Variants in WWOX observed in about 807,000 individuals in gnomAD.
The protein encoded by WWOX is WW domain-containing oxidoreductase.
Under a neutral mutation model 46.2 loss-of-function variants are expected in WWOX, and 69 were observed. The observed-to-expected ratio is 1.49, with a 90% CI of 1.23 to 1.82. WWOX has a LOEUF of 1.82. Among genes scored for constraint, WWOX ranks in the 40% most tolerant of loss-of-function variants. The pLI is 0.00. For synonymous variants in WWOX, 359 were observed against 202.6 expected, an observed-to-expected ratio of 1.77 and a Z score of -6.56; for missense variants, 919 against 542.6, an observed-to-expected ratio of 1.69 and a Z score of -6.89.
At chr16:78,144,514 T>C (rs2034127856) in intron 4 of WWOX, among the ~76,000 whole-genome samples, 1 of 41,754 alleles carries the variant, frequency 2.4e-5, no homozygotes, top group Non-Finnish European at 4.5e-5. Flanking sequence ...TATATATATA[T>C]ATATATATAT....
chr16:78,713,975 G>T (rs2048504682), intron 8 of WWOX, among the ~76,000 whole-genome samples: 1 of 152,052 alleles, frequency 6.6e-6, no homozygotes, highest in Admixed American at 6.6e-5. Flanking sequence ...TGGCTACGAG[G>T]GCTTGTGTGT....
intron 8 of WWOX, among the ~76,000 whole-genome samples, chr16:78,842,328 TAA>T (rs34346754): frequency 5.2e-4 from 61 of 118,200 alleles, no homozygotes; most frequent in Admixed American, 5.3e-4. Flanking sequence ...ACCCCATCTC[TAA>T]AAAAAAAAAA....
chr16:78,952,670 C>T (rs1227862486), intron 8 of WWOX, among the ~76,000 whole-genome samples: 2 of 152,142 alleles, frequency 1.3e-5, no homozygotes, highest in Non-Finnish European at 2.9e-5. Flanking sequence ...AGGTATGAGC[C>T]ACCACACCTG....
intron 4 of WWOX, among the ~76,000 whole-genome samples, chr16:78,144,508 T>TATATACACACACACACACACAC (rs2034127096): frequency 5.4e-5 from 2 of 37,050 alleles, no homozygotes; most frequent in African/African-American, 2.0e-4. Flanking sequence ...CACATATATA[T>TATATACACACACACACACACAC]ATATATATAT....
intron 8 of WWOX, among the ~76,000 whole-genome samples, chr16:78,884,047 G>A (rs2044399544): frequency 6.6e-6 from 1 of 152,006 alleles, no homozygotes; most frequent in African/African-American, 2.4e-5. Flanking sequence ...GGGAGGCCGA[G>A]GCAGGCAGAT....
At chr16:78,562,579 C>A (rs914050370) in intron 8 of WWOX, among the ~76,000 whole-genome samples, 2 of 152,204 alleles carry the variant, frequency 1.3e-5, no homozygotes, top group African/African-American at 4.8e-5. Flanking sequence ...TCCCTCTGGG[C>A]TGACCCTGCT....
At chr16:78,441,091 C>T (rs1180833834) in intron 8 of WWOX, among the ~76,000 whole-genome samples, 1 of 152,076 alleles carries the variant, frequency 6.6e-6, no homozygotes, top group African/African-American at 2.4e-5. Context: ...TACAGGTGTG[C>T]ACCACCACGC....
At position 78,254,502 on chromosome 16, in the gene WWOX, G is replaced by GTTTTT. The variant is rs59706959; in HGVS notation, c.516+90226_516+90230dup. 1.7e-3 allele frequency among the ~76,000 whole-genome samples: 159 copies of GTTTTT among 91,618 alleles called. 3 individuals carry two copies. The highest frequency in any genetic ancestry group is 3.9e-3 in the African/African-American group (75 of 19,284). The allele number at this position is 91,618 out of a possible 152,430, so 60.1% of individuals were successfully genotyped here. ...CACTTTTCTTTTTCTTTTCTTTCTT[G>GTTTTT]TTTTTTTTTTTTTTTTTGTTTGACA... On this transcript the variant is annotated intron_variant, in intron 5 of 8. Coordinates refer to ENST00000566780, the MANE Select transcript of WWOX (RefSeq NM_016373.4).
intron 8 of WWOX, among the ~76,000 whole-genome samples, chr16:78,631,018 C>G (rs376633872): frequency 6.6e-6 from 1 of 152,062 alleles, no homozygotes; most frequent in Admixed American, 6.5e-5. Flanking sequence ...CCAACATAAC[C>G]ACTATTTATA....
At chr16:78,821,419 A>G (rs980064604) in intron 8 of WWOX, among the ~76,000 whole-genome samples, 1 of 152,030 alleles carries the variant, frequency 6.6e-6, no homozygotes, top group Non-Finnish European at 1.5e-5. Flanking sequence ...ATGGCTTCTC[A>G]TTTTGAAAAC....
chr16:79,149,472 C>T (rs950530051), intron 8 of WWOX, among the ~76,000 whole-genome samples: 3 of 152,148 alleles, frequency 2.0e-5, no homozygotes, highest in Non-Finnish European at 4.4e-5. Context: ...ATTCAGAAAA[C>T]ATCCGTCTCA....
rs2047958965 is a variant in WWOX, at chr16:79,040,916, G to A, written c.1057-170692G>A. Among the ~76,000 whole-genome samples the A allele has an allele frequency of 2.6e-5, 4 of 152,106 alleles. No individual in the cohort carries two copies. The South Asian group carries it at 8.3e-4, about 32-fold the overall frequency. On this transcript the variant is annotated intron_variant, in intron 8 of 8. Coordinates refer to ENST00000566780, the MANE Select transcript of WWOX (RefSeq NM_016373.4). ...CCAAGGGAGAGGTTGCTCCTGGGTT[G>A]CAGGACGCATCCATGGATGGAGCAT...
chr16:78,596,928 C>G (rs917746165), intron 8 of WWOX, among the ~76,000 whole-genome samples: 10 of 152,154 alleles, frequency 6.6e-5, no homozygotes, highest in African/African-American at 1.9e-4. Flanking sequence ...TTGATGCTAT[C>G]CTCAATAAAC....
chr16:78,591,698 GAA>G (rs1161791060), intron 8 of WWOX, among the ~76,000 whole-genome samples: 2 of 152,208 alleles, frequency 1.3e-5, no homozygotes, highest in Non-Finnish European at 2.9e-5. Flanking sequence ...GTTACAGGGA[GAA>G]AAGACTGAGA....
At chr16:78,566,203 C>T (rs888497354) in intron 8 of WWOX, among the ~76,000 whole-genome samples, 5 of 152,144 alleles carry the variant, frequency 3.3e-5, no homozygotes, top group African/African-American at 1.2e-4. Flanking sequence ...CCCCCATGAT[C>T]TCATTTGAAA....
intron 5 of WWOX, among the ~76,000 whole-genome samples, chr16:78,184,668 A>C (rs1251228894): frequency 6.6e-6 from 1 of 152,176 alleles, no homozygotes; most frequent in Admixed American, 6.5e-5. Context: ...TTACAGTAAA[A>C]ACACTGTTCG....
At chr16:78,901,828 C>T (rs1421755802) in intron 8 of WWOX, among the ~76,000 whole-genome samples, 2 of 152,230 alleles carry the variant, frequency 1.3e-5, no homozygotes, top group Non-Finnish European at 2.9e-5. Context: ...CAATCCAAGT[C>T]TGTCGCTGCC....
rs548018299 is a variant in WWOX at position 78,209,978 on chromosome 16, C to T, written c.516+45689C>T. On this transcript the variant is annotated intron_variant, in intron 5 of 8. Transcript: ENST00000566780. ...TGAAAAGAAGAAAGGATAAACTTTT[C>T]TTAAACAGCAGAATGTTATTCAGAG... Among the ~76,000 whole-genome samples the T allele has an allele frequency of 5.3e-5, 8 of 151,894 alleles. No individual in the cohort carries two copies. The East Asian group carries it at 1.6e-3, about 29-fold the overall frequency.
chr16:78,898,391 C>G (rs1312513815), intron 8 of WWOX: 2 of 152,014 alleles, frequency 1.3e-5, no homozygotes, highest in Non-Finnish European at 2.9e-5. Flanking sequence ...ACTATTTGTT[C>G]AAAGACTAAT....
Sources: gnomAD v4.1 joint callset for allele counts (sites outside exome capture counted in the v4.1 genomes callset) on GRCh38, gnomAD v4.1.1 for gene constraint, MANE v1.5 for transcripts, NCBI Gene and HGNC (gene_info 2026-07-23, HGNC 2026-07-21) for gene names.